Variants in RXFP1 observed in about 807,000 individuals in gnomAD.
The protein encoded by RXFP1 is relaxin receptor 1.
A neutral mutation model predicts 89.8 loss-of-function variants in RXFP1; 73 were observed. The observed-to-expected ratio is 0.81, with a 90% CI of 0.67 to 0.99. The LOEUF (loss-of-function observed/expected upper bound fraction) is 0.99. Among genes scored for constraint, RXFP1 ranks in the 50% least tolerant of loss-of-function variants. The pLI, the probability that RXFP1 is intolerant of heterozygous loss-of-function variation, is 0.00. For synonymous variants in RXFP1, 277 were observed against 305.5 expected (o/e 0.91, Z 0.97); for missense variants, 793 against 895.5 (o/e 0.89, Z 1.46).
intron 1 of RXFP1, among the ~76,000 whole-genome samples, chr4:158,525,692 C>A (rs1407966657): frequency 6.6e-6 from 1 of 152,144 alleles, no homozygotes; most frequent in Non-Finnish European, 1.5e-5. Flanking sequence ...ATTGAGAGGT[C>A]TCCATGGATG....
intron 2 of RXFP1, 25 bp downstream of exon 2, chr4:158,572,860 G>C (rs768999539): frequency 3.7e-6 from 6 of 1,612,746 alleles, no homozygotes; most frequent in Non-Finnish European, 5.1e-6. Flanking sequence ...TGCAGTCACG[G>C]TGAGAGAAAG....
chr4:158,610,595 T>C, intron 6 of RXFP1: 1 of 1,017,684 alleles, frequency 9.8e-7, no homozygotes, highest in Non-Finnish European at 1.3e-6. Context: ...GAAACCAAAA[T>C]TGCTATTATG....
chr4:158,586,664 G>A (rs1317552380), intron 2 of RXFP1, among the ~76,000 whole-genome samples: 1 of 152,130 alleles, frequency 6.6e-6, no homozygotes, highest in South Asian at 2.1e-4. Flanking sequence ...TGCAATTTTG[G>A]CAACATTTCC....
intron 1 of RXFP1, among the ~76,000 whole-genome samples, chr4:158,552,448 C>T (rs1750354116): frequency 6.6e-6 from 1 of 152,148 alleles, no homozygotes; most frequent in African/African-American, 2.4e-5. Flanking sequence ...ACATCTCACT[C>T]ATCTGAGAAT....
intron 1 of RXFP1, among the ~76,000 whole-genome samples, chr4:158,525,498 G>A (rs1350827240): frequency 6.6e-6 from 1 of 152,184 alleles, no homozygotes; most frequent in Non-Finnish European, 1.5e-5. Context: ...AAATTATTAT[G>A]TTTATGAACT....
chr4:158,586,092 G>C (rs1758260690), intron 2 of RXFP1, among the ~76,000 whole-genome samples: 1 of 152,154 alleles, frequency 6.6e-6, no homozygotes, highest in Admixed American at 6.5e-5. Flanking sequence ...AGATTTCCCA[G>C]ACTCCATGCT....
At chr4:158,527,564 A>AAAAAAAATATAT (rs5741905) in intron 1 of RXFP1, among the ~76,000 whole-genome samples, 1,518 of 98,318 alleles carry the variant, frequency 0.015, 41 homozygotes, top group East Asian at 0.087. Flanking sequence ...AAAAAAAAAA[A>AAAAAAAATATAT]ATATATATAT....
chr4:158,629,680 G>A (rs941512579), intron 11 of RXFP1, among the ~76,000 whole-genome samples: 5 of 151,876 alleles, frequency 3.3e-5, no homozygotes, highest in African/African-American at 1.2e-4. Flanking sequence ...AAGCTGAAGT[G>A]CAATGGTACA....
At chr4:158,524,000 T>C (rs1156877107) in intron 1 of RXFP1, among the ~76,000 whole-genome samples, 1 of 152,218 alleles carries the variant, frequency 6.6e-6, no homozygotes, top group Non-Finnish European at 1.5e-5. Flanking sequence ...TGCACTACCA[T>C]GTACCGGTTC....
intron 2 of RXFP1, among the ~76,000 whole-genome samples, chr4:158,583,335 T>C (rs1421632131): frequency 1.3e-5 from 2 of 152,262 alleles, no homozygotes; most frequent in Non-Finnish European, 2.9e-5. Context: ...GCTATCAGAA[T>C]GATGGCAATG....
chr4:158,556,863 G>A (rs1452066899), intron 1 of RXFP1, among the ~76,000 whole-genome samples: 2 of 152,140 alleles, frequency 1.3e-5, no homozygotes, highest in Non-Finnish European at 2.9e-5. Flanking sequence ...GCATTCATAT[G>A]TGAAATATTT....
In RXFP1 at chr4:158,636,762, T is replaced by C. The variant is rs78937183; in HGVS notation, c.972-1246T>C. On this transcript the variant is annotated intron_variant, in intron 12 of 17. Transcript: ENST00000307765. Reference sequence around the variant, plus strand: ...TACTTATTTTTTGTGGTGAGAACACTTAACGTCTACTCTCTTAGCAATTTT... The same window carrying C: ...TACTTATTTTTTGTGGTGAGAACACCTAACGTCTACTCTCTTAGCAATTTT... 2.4e-3 allele frequency among the ~76,000 whole-genome samples: 360 copies of C among 152,374 alleles called. 1 individual carries two copies. Among genetic ancestry groups the C allele is most frequent in the African/African-American group, 8.1e-3 (337 of 41,592 alleles).
At chr4:158,571,536 C>T (rs190128860) in intron 1 of RXFP1, among the ~76,000 whole-genome samples, 5 of 152,212 alleles carry the variant, frequency 3.3e-5, no homozygotes, top group African/African-American at 1.2e-4. Flanking sequence ...GTGGTGCATG[C>T]CTGTAATCTC....
At chr4:158,584,267 T>C (rs925086083) in intron 2 of RXFP1, among the ~76,000 whole-genome samples, 3 of 152,010 alleles carry the variant, frequency 2.0e-5, no homozygotes, top group Non-Finnish European at 4.4e-5. Context: ...ACCCCGTCTC[T>C]ACTAAAGATA....
intron 6 of RXFP1, among the ~76,000 whole-genome samples, chr4:158,608,693 T>A (rs986154306): frequency 3.3e-5 from 5 of 152,206 alleles, no homozygotes; most frequent in African/African-American, 1.2e-4. Flanking sequence ...ATTGACATTG[T>A]TATGGAACCA....
At chr4:158,587,680 G>A (rs1758566666) in intron 2 of RXFP1, among the ~76,000 whole-genome samples, 1 of 152,114 alleles carries the variant, frequency 6.6e-6, no homozygotes. Flanking sequence ...TAATTGTTTA[G>A]TTATTTTTAA....
At chr4:158,637,346 T>A (rs935417618) in intron 12 of RXFP1, among the ~76,000 whole-genome samples, 1 of 152,200 alleles carries the variant, frequency 6.6e-6, no homozygotes. Context: ...TTGTACTAAT[T>A]TATATTCCCA....
chr4:158,521,994 C>A lies in RXFP1; in HGVS notation c.18C>A (p.Val6=), dbSNP rs1741283256. 1 of 1,608,524 alleles carries A rather than the reference C, an allele frequency of 6.2e-7. No homozygotes were observed. Among genetic ancestry groups the A allele is most frequent in the Non-Finnish European group, 8.5e-7 (1 of 1,175,926 alleles). Residue 6 remains valine, a synonymous_variant, in exon 1 of 18, where the codon GTC becomes GTA. Coordinates refer to ENST00000307765, the MANE Select transcript of RXFP1 (RefSeq NM_021634.4). ...AGAAGGAAATGACATCTGGTTCTGT[C>A]TTCTTCTACATCTTAATTTTTGGAA... The part of the protein sequence containing the change: MTSGS[V]FFYILIFGKY...
rs1387787232 is a variant in RXFP1, at chr4:158,527,577, A to ATATATATATG, written c.49+5553_49+5554insATATATATGT. ...CAAAAAAAAAAAAATATATATATATATGTATATATATACTGTTGCCTCCTA... is the reference window on the plus strand; with the variant it reads ...CAAAAAAAAAAAAATATATATATATATATATATATGTGTATATATATACTGTTGCCTCCTA... On this transcript the variant is annotated intron_variant, in intron 1 of 17. Transcript: ENST00000307765. Among the ~76,000 whole-genome samples, 5 of 145,496 alleles carry ATATATATATG rather than the reference A, an allele frequency of 3.4e-5. No individual in the cohort carries two copies. In the South Asian group the frequency reaches 1.1e-3, roughly 31 times the overall value.
Sources: allele counts gnomAD v4.1 joint callset (sites outside exome capture counted in the v4.1 genomes callset), GRCh38; gene constraint gnomAD v4.1.1; transcripts MANE v1.5; gene names NCBI Gene and HGNC (gene_info 2026-07-23, HGNC 2026-07-21).